ST6GALNAC3: variants seen among roughly 807,000 people sequenced by gnomAD.
ST6GALNAC3 encodes the protein alpha-N-acetylgalactosaminide alpha-2,6-sialyltransferase 3.
ST6GALNAC3 carries 25 observed loss-of-function variants against 32.7 expected under a neutral mutation model. The observed-to-expected ratio is 0.76, with a 90% CI of 0.56 to 1.07. The LOEUF (loss-of-function observed/expected upper bound fraction) is 1.07, where lower values mean the gene tolerates loss of function less well. ST6GALNAC3 is among the 50% of genes least tolerant of loss of function. ST6GALNAC3 has a pLI of 0.00. For missense variants in ST6GALNAC3, 355 were observed against 382.4 expected (o/e 0.93, Z 0.60); for synonymous variants, 129 against 133.1 (o/e 0.97, Z 0.21).
intron 3 of ST6GALNAC3, among the ~76,000 whole-genome samples, chr1:76,525,583 A>T (rs1662814223): frequency 6.6e-6 from 1 of 151,500 alleles, no homozygotes; most frequent in Non-Finnish European, 1.5e-5. Context: ...GAGAATCTTA[A>T]TCTAGTATCT....
At chr1:76,390,946 A>AT (rs58114434) in intron 2 of ST6GALNAC3, among the ~76,000 whole-genome samples, 12,122 of 121,030 alleles carry the variant, frequency 0.1, 2,303 homozygotes, top group Middle Eastern at 0.16. Flanking sequence ...ATATATATGT[A>AT]TTTTTTTTTT....
At chr1:76,382,931 A>G (rs1270867895) in intron 2 of ST6GALNAC3, among the ~76,000 whole-genome samples, 1 of 152,166 alleles carries the variant, frequency 6.6e-6, no homozygotes, top group Non-Finnish European at 1.5e-5. Flanking sequence ...AAGCAGCATA[A>G]CTACAAATAA....
Position 76,628,824 on chromosome 1 carries a change from T to C in ST6GALNAC3, c.*18T>C. 6.2e-7 allele frequency: 1 copy of C among 1,608,608 alleles called. No homozygotes were observed. Among genetic ancestry groups the C allele is most frequent in the South Asian group, 1.1e-5 (1 of 90,420 alleles). On this transcript the variant is annotated 3_prime_UTR_variant, in exon 5 of 5. Transcript: ENST00000328299. Reference sequence around the variant, plus strand: ...TGTCTTGATAATGGTTTTCCTGATCTTGCCGCATCACTTAATGTGATCCCC... The same window carrying C: ...TGTCTTGATAATGGTTTTCCTGATCCTGCCGCATCACTTAATGTGATCCCC...
intron 3 of ST6GALNAC3, among the ~76,000 whole-genome samples, chr1:76,427,408 G>T (rs1473226970): frequency 1.3e-5 from 2 of 152,028 alleles, no homozygotes; most frequent in East Asian, 3.9e-4. Context: ...CAGAACCTCT[G>T]GGAATGGCTC....
At chr1:76,259,467 T>C (rs1288197736) in intron 1 of ST6GALNAC3, among the ~76,000 whole-genome samples, 1 of 152,192 alleles carries the variant, frequency 6.6e-6, no homozygotes, top group Non-Finnish European at 1.5e-5. Context: ...CTTAGCATAA[T>C]GCCTGGCACC....
At chr1:76,390,993 G>T (rs1181721841) in intron 2 of ST6GALNAC3, among the ~76,000 whole-genome samples, 1 of 143,788 alleles carries the variant, frequency 7.0e-6, no homozygotes, top group Non-Finnish European at 1.6e-5. Context: ...AGGCTAGAGT[G>T]CAGTGGCACG....
At chr1:76,153,586 G>A (rs2100340322) in intron 1 of ST6GALNAC3, among the ~76,000 whole-genome samples, 1 of 152,246 alleles carries the variant, frequency 6.6e-6, no homozygotes, top group Admixed American at 6.5e-5. Flanking sequence ...ATAAAACATG[G>A]CATGAATTCA....
intron 3 of ST6GALNAC3, among the ~76,000 whole-genome samples, chr1:76,565,823 C>T (rs541401702): frequency 6.6e-6 from 1 of 152,282 alleles, no homozygotes; most frequent in Admixed American, 6.5e-5. Context: ...CAAACAGATG[C>T]CCCTGGAACA....
At chr1:76,312,256 T>C (rs1282136613) in intron 1 of ST6GALNAC3, among the ~76,000 whole-genome samples, 1 of 152,154 alleles carries the variant, frequency 6.6e-6, no homozygotes, top group African/African-American at 2.4e-5. Context: ...ACCCCTTCCT[T>C]ATACCTTATA....
At chr1:76,377,064 A>G (rs1243924228) in intron 2 of ST6GALNAC3, among the ~76,000 whole-genome samples, 2 of 152,204 alleles carry the variant, frequency 1.3e-5, no homozygotes, top group Non-Finnish European at 2.9e-5. Context: ...ACACTCCTAC[A>G]TGTATACCTA....
intron 3 of ST6GALNAC3, among the ~76,000 whole-genome samples, chr1:76,626,592 T>C (rs1648983390): frequency 6.6e-6 from 1 of 151,922 alleles, no homozygotes; most frequent in Non-Finnish European, 1.5e-5. Flanking sequence ...ACTTCCATAT[T>C]TGTGATTTTG....
intron 3 of ST6GALNAC3, among the ~76,000 whole-genome samples, chr1:76,438,226 A>G (rs977136492): frequency 2.0e-5 from 3 of 150,294 alleles, no homozygotes; most frequent in East Asian, 4.0e-4. Flanking sequence ...ATCTCGGCTC[A>G]CTGCAAGCTC....
chr1:76,187,355 A>G (rs1411360939), intron 1 of ST6GALNAC3, among the ~76,000 whole-genome samples: 1 of 152,150 alleles, frequency 6.6e-6, no homozygotes, highest in African/African-American at 2.4e-5. Flanking sequence ...GCTGTGGTAT[A>G]TATGTGTCTT....
At chr1:76,245,583 C>T (rs568904457) in intron 1 of ST6GALNAC3, among the ~76,000 whole-genome samples, 6 of 152,068 alleles carry the variant, frequency 3.9e-5, no homozygotes, top group Non-Finnish European at 8.8e-5. Context: ...ATAAATTTCC[C>T]TCTTAATACT....
At chr1:76,301,333 C>T (rs1278435538) in intron 1 of ST6GALNAC3, among the ~76,000 whole-genome samples, 1 of 151,770 alleles carries the variant, frequency 6.6e-6, no homozygotes, top group Non-Finnish European at 1.5e-5. Context: ...ATGGCTAATA[C>T]TGTTGGAAAT....
intron 3 of ST6GALNAC3, among the ~76,000 whole-genome samples, chr1:76,482,156 ACACACACACACATG>A (rs1279894223): frequency 6.6e-6 from 1 of 152,018 alleles, no homozygotes; most frequent in East Asian, 1.9e-4. Context: ...ACACACACAC[ACACACACACACATG>A]CACTTCATCT....
intron 3 of ST6GALNAC3, among the ~76,000 whole-genome samples, chr1:76,498,379 C>A (rs1660984496): frequency 6.6e-6 from 1 of 152,186 alleles, no homozygotes; most frequent in Non-Finnish European, 1.5e-5. Flanking sequence ...TTTTTCTAAA[C>A]ACCAATCTCT....
At chr1:76,347,747 C>G (rs1158830900) in intron 2 of ST6GALNAC3, among the ~76,000 whole-genome samples, 1 of 152,114 alleles carries the variant, frequency 6.6e-6, no homozygotes, top group Non-Finnish European at 1.5e-5. Context: ...GGTTCAAGCT[C>G]TTGCTCTATC....
intron 3 of ST6GALNAC3, among the ~76,000 whole-genome samples, chr1:76,548,592 G>T (rs1329509902): frequency 1.3e-5 from 2 of 152,174 alleles, no homozygotes; most frequent in Non-Finnish European, 2.9e-5. Flanking sequence ...TCAGGAAGGA[G>T]AATAGTCCCC....
Sources: gnomAD v4.1 joint callset for allele counts (sites outside exome capture counted in the v4.1 genomes callset) on GRCh38, gnomAD v4.1.1 for gene constraint, MANE v1.5 for transcripts, NCBI Gene and HGNC (gene_info 2026-07-23, HGNC 2026-07-21) for gene names.